The following RALYL variants were observed in gnomAD, a reference collection of about 807,000 sequenced individuals.
RALYL encodes RNA-binding Raly-like protein.
A neutral mutation model predicts 35.1 loss-of-function variants in RALYL; 29 were observed. The ratio of observed to expected loss-of-function variants is 0.83; its 90% confidence interval spans 0.61 to 1.13. The LOEUF (loss-of-function observed/expected upper bound fraction) is 1.13, where lower values mean the gene tolerates loss of function less well. Among genes scored for constraint, RALYL ranks in the 50% most tolerant of loss-of-function variants. The pLI is 0.00. For missense variants in RALYL, 359 were observed against 360.4 expected (o/e 1.00, Z 0.03); for synonymous variants, 120 against 127.6 (o/e 0.94, Z 0.40).
chr8:84,553,535 G>C (rs979777058), intron 2 of RALYL, among the ~76,000 whole-genome samples: 2 of 152,136 alleles, frequency 1.3e-5, no homozygotes, highest in Admixed American at 1.3e-4. Context: ...TTTCTTGCAG[G>C]TTCCATCTGC....
Position 84,641,424 on chromosome 8 carries a change from C to G in RALYL, c.256+111847C>G, listed in dbSNP as rs1484611857. 3.3e-5 allele frequency among the ~76,000 whole-genome samples: 5 copies of G among 151,782 alleles called. No homozygotes were observed. The East Asian group carries it at 9.7e-4, about 30-fold the overall frequency. ...TTAAGCCATTCCACTATTTTAGAAA[C>G]AATTTTCCTACATCATAATATTTTC... On this transcript the variant is annotated intron_variant, in intron 2 of 8. Coordinates refer to ENST00000521268, the MANE Select transcript of RALYL (RefSeq NM_173848.7).
intron 3 of RALYL, among the ~76,000 whole-genome samples, chr8:84,781,768 T>C (rs1037599326): frequency 6.6e-6 from 1 of 152,214 alleles, no homozygotes; most frequent in Non-Finnish European, 1.5e-5. Flanking sequence ...ATAAAACTTA[T>C]GCAGTCACAA....
At chr8:84,213,587 A>G (rs553758512) in intron 1 of RALYL, among the ~76,000 whole-genome samples, 2 of 152,330 alleles carry the variant, frequency 1.3e-5, no homozygotes, top group South Asian at 4.1e-4. Context: ...CTCAAAAGGA[A>G]ATTGTGTGTG....
At chr8:84,414,503 G>A (rs2044422813) in intron 1 of RALYL, among the ~76,000 whole-genome samples, 1 of 152,064 alleles carries the variant, frequency 6.6e-6, no homozygotes, top group East Asian at 1.9e-4. Context: ...TGTATAATAT[G>A]GTTAGATCAT....
intron 2 of RALYL, among the ~76,000 whole-genome samples, chr8:84,575,453 C>T (rs1316701400): frequency 6.6e-6 from 1 of 152,144 alleles, no homozygotes; most frequent in Admixed American, 6.5e-5. Context: ...ATTTACTTTA[C>T]ATTTTTATGC....
intron 1 of RALYL, among the ~76,000 whole-genome samples, chr8:84,504,070 G>A (rs2056952698): frequency 6.6e-6 from 1 of 151,986 alleles, no homozygotes; most frequent in Non-Finnish European, 1.5e-5. Context: ...TAAGGAAAGA[G>A]AGAGAATCCT....
intron 1 of RALYL, among the ~76,000 whole-genome samples, chr8:84,375,457 T>C: frequency 6.6e-6 from 1 of 151,962 alleles, no homozygotes; most frequent in African/African-American, 2.4e-5. Flanking sequence ...AAATACATCT[T>C]GAATGAAAGA....
intron 1 of RALYL, among the ~76,000 whole-genome samples, chr8:84,479,693 G>A (rs993269928): frequency 1.3e-5 from 2 of 152,026 alleles, no homozygotes; most frequent in Non-Finnish European, 2.9e-5. Context: ...AAGATTACTG[G>A]GCTACTGCTT....
At chr8:84,481,306 G>T (rs2054013138) in intron 1 of RALYL, among the ~76,000 whole-genome samples, 1 of 152,032 alleles carries the variant, frequency 6.6e-6, no homozygotes, top group African/African-American at 2.4e-5. Flanking sequence ...TTTTAGGTTT[G>T]TTGTAGAATT....
intron 2 of RALYL, among the ~76,000 whole-genome samples, chr8:84,687,215 A>G (rs891855650): frequency 9.2e-5 from 14 of 152,292 alleles, no homozygotes; most frequent in African/African-American, 3.1e-4. Flanking sequence ...TTCTTATATT[A>G]CATGGATTCA....
intron 1 of RALYL, among the ~76,000 whole-genome samples, chr8:84,347,186 G>A (rs1849993561): frequency 6.6e-6 from 1 of 151,580 alleles, no homozygotes; most frequent in African/African-American, 2.4e-5. Context: ...GGGTGACAGA[G>A]CAATTTAAAA....
chr8:84,356,021 TAA>T (rs1334922655), intron 1 of RALYL, among the ~76,000 whole-genome samples: 1 of 149,880 alleles, frequency 6.7e-6, no homozygotes. Flanking sequence ...TCTGATGGTT[TAA>T]AAGTGTGTGG....
At chr8:84,761,372 C>T (rs2634060) in intron 2 of RALYL, among the ~76,000 whole-genome samples, 49,942 of 151,652 alleles carry the variant, frequency 0.33, 9,881 homozygotes, top group African/African-American at 0.56. Flanking sequence ...TCTGGAAAAT[C>T]ATTCAGTTCA....
At chr8:84,523,637 G>T (rs988123099) in intron 1 of RALYL, among the ~76,000 whole-genome samples, 9 of 149,468 alleles carry the variant, frequency 6.0e-5, no homozygotes, top group Non-Finnish European at 1.3e-4. Flanking sequence ...CTAGCATTAG[G>T]TATATCTCCC....
chr8:84,635,166 A>G (rs2131296620), intron 2 of RALYL, among the ~76,000 whole-genome samples: 1 of 151,686 alleles, frequency 6.6e-6, no homozygotes, highest in East Asian at 1.9e-4. Flanking sequence ...TATTTTTTTT[A>G]TTTTATTCTC....
chr8:84,730,725 A>T (rs1846006842), intron 2 of RALYL, among the ~76,000 whole-genome samples: 1 of 152,102 alleles, frequency 6.6e-6, no homozygotes, highest in African/African-American at 2.4e-5. Context: ...GCACCATGGG[A>T]CATAACAAAA....
chr8:84,210,612 C>T (rs1202158171), intron 1 of RALYL, among the ~76,000 whole-genome samples: 1 of 152,094 alleles, frequency 6.6e-6, no homozygotes, highest in African/African-American at 2.4e-5. Context: ...GCGGAAAATT[C>T]AGGAATGTTC....
intron 1 of RALYL, among the ~76,000 whole-genome samples, chr8:84,286,446 T>C (rs1179362699): frequency 6.6e-6 from 1 of 152,224 alleles, no homozygotes; most frequent in African/African-American, 2.4e-5. Flanking sequence ...CGAACTGAAC[T>C]TGGGTCCATT....
At chr8:84,374,636 C>T (rs1856563768) in intron 1 of RALYL, among the ~76,000 whole-genome samples, 1 of 151,844 alleles carries the variant, frequency 6.6e-6, no homozygotes, top group Admixed American at 6.6e-5. Context: ...CATGTTCTCA[C>T]TCATAAGTGG....
Sources: allele counts gnomAD v4.1 joint callset (sites outside exome capture counted in the v4.1 genomes callset), GRCh38; gene constraint gnomAD v4.1.1; transcripts MANE v1.5; gene names NCBI Gene and HGNC (gene_info 2026-07-23, HGNC 2026-07-21).